The following SLC41A2 variants were observed in gnomAD, a reference collection of about 807,000 sequenced individuals.
SLC41A2 encodes the protein solute carrier family 41 member 2.
In SLC41A2, 32 loss-of-function variants were observed where a neutral mutation model predicts 58.3. The ratio of observed to expected loss-of-function variants is 0.55; its 90% confidence interval spans 0.41 to 0.74. SLC41A2 has a LOEUF of 0.74. Ranked by LOEUF, SLC41A2 falls within the 30% of genes least tolerant of loss-of-function variation. SLC41A2 has a pLI of 0.00. For missense variants in SLC41A2, 514 were observed against 680.6 expected (o/e 0.76, Z 2.72); for synonymous variants, 190 against 235.0 (o/e 0.81, Z 1.75).
In SLC41A2 at chr12:104,889,130, T is replaced by A. The variant is rs2044816445; in HGVS notation, c.783A>T (p.Ile261=). 1 of 1,611,378 alleles carries A rather than the reference T, an allele frequency of 6.2e-7. No homozygotes were observed. The highest frequency in any genetic ancestry group is 8.5e-7 in the Non-Finnish European group (1 of 1,179,310). Residue 261 remains isoleucine, a synonymous_variant, in exon 5 of 11, where the codon ATA becomes ATT. Transcript: ENST00000258538. ...ATTTTCCTTCTGGAATCCAGCCCAATATAATTGCTGCCACAGCTGCTAGAA... is the reference window on the plus strand; with the variant it reads ...ATTTTCCTTCTGGAATCCAGCCCAAAATAATTGCTGCCACAGCTGCTAGAA... ...VGFLAAVAAI[I]LGWIPEGKYY...
intron 10 of SLC41A2, among the ~76,000 whole-genome samples, chr12:104,837,593 G>A (rs185676689): frequency 4.1e-4 from 63 of 152,156 alleles, no homozygotes; most frequent in African/African-American, 1.5e-3. Flanking sequence ...ATGAAAGCGT[G>A]GTATGTGAAG....
At position 104,928,213 on chromosome 12, in the gene SLC41A2, G is replaced by A; in HGVS notation, c.315C>T (p.Cys105=). 1.2e-6 allele frequency: 2 copies of A among 1,614,148 alleles called. No individual in the cohort carries two copies. The highest frequency in any genetic ancestry group is 1.1e-5 in the South Asian group (1 of 91,086). ...HANNGHASSS[C]SQKYDDYANY... The stretch of plus-strand genomic sequence containing the variant: ...TGGCATAGTCATCATACTTTTGGCT[G>A]CAGCTTGATGATGCGTGCCCATTAT... Residue 105 remains cysteine (C), a synonymous_variant, in exon 2 of 11, where the codon TGC becomes TGT. Coordinates refer to ENST00000258538, the MANE Select transcript of SLC41A2 (RefSeq NM_001352171.3).
intron 8 of SLC41A2, among the ~76,000 whole-genome samples, chr12:104,857,616 C>G (rs946275271): frequency 3.3e-5 from 5 of 151,952 alleles, no homozygotes; most frequent in Non-Finnish European, 7.4e-5. Flanking sequence ...ATTTGTCCAT[C>G]AATGATAGAC....
chr12:104,920,258 G>A (rs557817746), intron 2 of SLC41A2, among the ~76,000 whole-genome samples: 1 of 152,058 alleles, frequency 6.6e-6, no homozygotes, highest in South Asian at 2.1e-4. Context: ...TCTCAAAATT[G>A]TTACAGCTAT....
chr12:104,859,628 T>C (rs1272755409), intron 8 of SLC41A2, among the ~76,000 whole-genome samples: 1 of 152,208 alleles, frequency 6.6e-6, no homozygotes, highest in Admixed American at 6.5e-5. Context: ...TTCATTGATA[T>C]TCTAAAGTGA....
intron 4 of SLC41A2, among the ~76,000 whole-genome samples, chr12:104,893,155 G>GA (rs796631220): frequency 2.6e-4 from 40 of 151,814 alleles, no homozygotes; most frequent in African/African-American, 5.6e-4. Context: ...AAATCTATAG[G>GA]AAAAAAAATC....
intron 3 of SLC41A2, among the ~76,000 whole-genome samples, chr12:104,905,295 A>C (rs2045779388): frequency 6.6e-6 from 1 of 152,076 alleles, no homozygotes; most frequent in Non-Finnish European, 1.5e-5. Flanking sequence ...AAGGTTCTCC[A>C]CGTCCTCACC....
intron 10 of SLC41A2, among the ~76,000 whole-genome samples, chr12:104,821,689 C>G (rs1045281105): frequency 2.0e-5 from 3 of 152,100 alleles, no homozygotes; most frequent in African/African-American, 7.2e-5. Context: ...CAAATACACA[C>G]AGTAAAATAA....
In SLC41A2 at chr12:104,909,769, GA is replaced by G. The variant is rs60294028; in HGVS notation, c.556-8del. ...TTCTGAACACCTCCCAGTGCTGTAA[GA>G]AAAAAAATAAAATAAAATTTTCTGG... On this transcript the variant is annotated splice_polypyrimidine_tract_variant and splice_region_variant and intron_variant, in intron 2 of 10. Transcript: ENST00000258538. 1.1e-5 allele frequency: 17 copies of G among 1,543,264 alleles called. No individual in the cohort carries two copies. The highest frequency in any genetic ancestry group is 6.7e-5 in the Admixed American group (3 of 44,600).
chr12:104,915,764 C>T (rs1418158635), intron 2 of SLC41A2, among the ~76,000 whole-genome samples: 2 of 152,066 alleles, frequency 1.3e-5, no homozygotes, highest in African/African-American at 2.4e-5. Context: ...CCTGTATTTC[C>T]TTCTCCTGCC....
At position 104,889,124 on chromosome 12, in the gene SLC41A2, GC is replaced by G; in HGVS notation, c.788del (p.Gly263AlafsTer33). The G allele has an allele frequency of 6.2e-7, 1 of 1,611,306 alleles. No homozygotes were observed. The stretch of plus-strand genomic sequence containing the variant: ...GGTAATATTTTCCTTCTGGAATCCA[GC>G]CCAATATAATTGCTGCCACAGCTGC... ...FLAAVAAIIL[G>X]WIPEGKYYLD... On this transcript the variant is annotated frameshift_variant, in exon 5 of 11. Coordinates refer to ENST00000258538, the MANE Select transcript of SLC41A2 (RefSeq NM_001352171.3). LOFTEE classifies it high-confidence loss of function.
intron 7 of SLC41A2, among the ~76,000 whole-genome samples, chr12:104,864,480 A>T (rs775664485): frequency 7.9e-5 from 12 of 152,100 alleles, no homozygotes; most frequent in Non-Finnish European, 1.6e-4. Flanking sequence ...TTTTCTCTGG[A>T]AACATTTGGG....
At position 104,909,630 on chromosome 12, in the gene SLC41A2, T is replaced by A. The variant is rs372766499; in HGVS notation, c.663+25A>T. 2.1e-6 allele frequency: 3 copies of A among 1,460,794 alleles called. No individual in the cohort carries two copies. In the African/African-American group the frequency reaches 4.2e-5, roughly 21 times the overall value. The allele number at this position is 1,460,794 out of a possible 1,614,324, so 90.5% of individuals were successfully genotyped here. The stretch of plus-strand genomic sequence containing the variant: ...AGAGAAACAGGATAGGTAATACACA[T>A]AATTTGAGGTAGGAAAAAACTTACT... On this transcript the variant is annotated intron_variant, in intron 3 of 10. Transcript: ENST00000258538.
At chr12:104,814,119 C>A (rs1157915380) in intron 10 of SLC41A2, among the ~76,000 whole-genome samples, 1 of 152,126 alleles carries the variant, frequency 6.6e-6, no homozygotes, top group Non-Finnish European at 1.5e-5. Flanking sequence ...ATGAAATCTA[C>A]TCAGTCAGGC....
At chr12:104,837,274 T>C (rs1376888794) in intron 10 of SLC41A2, among the ~76,000 whole-genome samples, 1 of 152,062 alleles carries the variant, frequency 6.6e-6, no homozygotes, top group African/African-American at 2.4e-5. Context: ...ACGGTCAGGA[T>C]TTGGGGCACC....
At chr12:104,888,984 C>T in intron 5 of SLC41A2, 49 bp downstream of exon 5, 11 of 1,462,252 alleles carry the variant, frequency 7.5e-6, no homozygotes, top group Non-Finnish European at 1.0e-5. Flanking sequence ...AAGAAATAAA[C>T]CATTTAAATG....
chr12:104,824,116 C>T (rs1481703946), intron 10 of SLC41A2, among the ~76,000 whole-genome samples: 2 of 152,084 alleles, frequency 1.3e-5, no homozygotes, highest in Non-Finnish European at 2.9e-5. Context: ...GGGTGTGGTC[C>T]TTGGCTAGGG....
rs958740920 is a variant in SLC41A2, at chr12:104,928,498, G to A, written c.30C>T (p.Thr10=). 59 of 1,524,928 alleles carry A rather than the reference G, an allele frequency of 3.9e-5. No individual in the cohort carries two copies. Among genetic ancestry groups the A allele is most frequent in the Admixed American group, 1.1e-4 (5 of 45,910 alleles). The allele number at this position is 1,524,928 out of a possible 1,614,324, so 94.5% of individuals were successfully genotyped here. The change falls in exon 2 of 11, where the codon ACC becomes ACT. Residue 10 remains threonine, a synonymous_variant. Coordinates refer to ENST00000258538, the MANE Select transcript of SLC41A2 (RefSeq NM_001352171.3). ...TACTTGGACCACCACTTGTTTTATCGGTAATAGATCTTCCTTTACTATTAG... is the reference window on the plus strand; with the variant it reads ...TACTTGGACCACCACTTGTTTTATCAGTAATAGATCTTCCTTTACTATTAG... The part of the protein sequence containing the change: MTNSKGRSI[T]DKTSGGPSSG...
rs147196308 is a variant in SLC41A2, at chr12:104,828,334, A to G, written c.1536+16138T>C. ...CATCTGCTGAGAGCTACTTCCACTC[A>G]ATAAAACCTTGCACTCATTCTCTAA... is the stretch of plus-strand genomic sequence containing the variant. On this transcript the variant is annotated intron_variant, in intron 10 of 10. Coordinates refer to ENST00000258538, the MANE Select transcript of SLC41A2 (RefSeq NM_001352171.3). 8.1e-3 allele frequency among the ~76,000 whole-genome samples: 1,231 copies of G among 152,314 alleles called. 20 individuals carry two copies. The highest frequency in any genetic ancestry group is 0.029 in the African/African-American group (1,194 of 41,562).
Sources: gnomAD v4.1 joint callset for allele counts (sites outside exome capture counted in the v4.1 genomes callset) on GRCh38, gnomAD v4.1.1 for gene constraint, MANE v1.5 for transcripts, NCBI Gene and HGNC (gene_info 2026-07-23, HGNC 2026-07-21) for gene names.